Variants in TRIM44 observed in about 807,000 individuals in gnomAD.
The protein encoded by TRIM44 is tripartite motif containing 44.
In TRIM44, 13 loss-of-function variants were observed where a neutral mutation model predicts 37.4. The ratio of observed to expected loss-of-function variants is 0.35; its 90% CI spans 0.23 to 0.55. TRIM44 has a LOEUF of 0.55. TRIM44 is among the 20% of genes least tolerant of loss of function. The pLI is 0.89. For missense variants in TRIM44, 426 were observed against 437.2 expected, an observed-to-expected ratio of 0.97 and a Z score of 0.23; for synonymous variants, 175 against 157.2, an observed-to-expected ratio of 1.11 and a Z score of -0.85.
At chr11:35,792,156 T>C (rs1242965489) in intron 4 of TRIM44, among the ~76,000 whole-genome samples, 5 of 151,286 alleles carry the variant, frequency 3.3e-5, no homozygotes, top group Non-Finnish European at 5.9e-5. Context: ...TTTATTTTCT[T>C]CATATCCACT....
chr11:35,784,982 A>C (rs1226944600), intron 4 of TRIM44, among the ~76,000 whole-genome samples: 1 of 152,230 alleles, frequency 6.6e-6, no homozygotes, highest in East Asian at 1.9e-4. Context: ...TCTATCTAGA[A>C]ATAGAGCCTA....
chr11:35,665,102 G>A (rs1025413538), intron 1 of TRIM44, among the ~76,000 whole-genome samples: 1 of 151,934 alleles, frequency 6.6e-6, no homozygotes, highest in African/African-American at 2.4e-5. Flanking sequence ...TTATGAATAT[G>A]CCACAAGTTA....
In TRIM44 at chr11:35,761,403, C is replaced by CTATA. The variant is rs202088061; in HGVS notation, c.1007+25959_1007+25960insATAT. ...TGTATTGTTTGCTCTCTCTCTCTCT[C>CTATA]TCTATATATATATGTGATACTTTGC... On this transcript the variant is annotated intron_variant, in intron 4 of 4. Coordinates refer to ENST00000299413, the MANE Select transcript of TRIM44 (RefSeq NM_017583.6). Among the ~76,000 whole-genome samples the CTATA allele has an allele frequency of 8.0e-3, 776 of 97,414 alleles. 7 individuals are homozygous for CTATA. Among genetic ancestry groups the CTATA allele is most frequent in the Middle Eastern group, 0.031 (6 of 192 alleles). 63.9% of individuals were successfully genotyped at this position (97,414 alleles called of 152,430 possible).
intron 4 of TRIM44, among the ~76,000 whole-genome samples, chr11:35,774,644 A>G (rs890364546): frequency 6.6e-6 from 1 of 152,142 alleles, no homozygotes; most frequent in African/African-American, 2.4e-5. Context: ...TAATTTTTGT[A>G]TAAGGTGTAA....
intron 4 of TRIM44, among the ~76,000 whole-genome samples, chr11:35,774,257 G>C (rs1181545849): frequency 6.6e-6 from 1 of 152,164 alleles, no homozygotes; most frequent in African/African-American, 2.4e-5. Flanking sequence ...TCTGTTGGCT[G>C]CATAAATGTC....
chr11:35,794,397 G>C (rs893702283), intron 4 of TRIM44, among the ~76,000 whole-genome samples: 1 of 152,254 alleles, frequency 6.6e-6, no homozygotes, highest in Non-Finnish European at 1.5e-5. Flanking sequence ...AGAGAAGCCA[G>C]ATGAGAACAT....
intron 1 of TRIM44, among the ~76,000 whole-genome samples, chr11:35,677,128 A>G (rs919548067): frequency 6.6e-6 from 1 of 152,198 alleles, no homozygotes. Flanking sequence ...AGGAAACTCA[A>G]AAGAGGTTAA....
At chr11:35,796,035 A>G (rs940487105) in intron 4 of TRIM44, among the ~76,000 whole-genome samples, 1 of 152,178 alleles carries the variant, frequency 6.6e-6, no homozygotes, top group Non-Finnish European at 1.5e-5. Context: ...TCACACAGCT[A>G]GTAAGTGGCA....
At chr11:35,803,656 G>A (rs1288016567) in intron 4 of TRIM44, among the ~76,000 whole-genome samples, 1 of 152,200 alleles carries the variant, frequency 6.6e-6, no homozygotes, top group East Asian at 1.9e-4. Context: ...GGGAGGCGGA[G>A]ATTACAGTGA....
chr11:35,749,899 C>T (rs1852540158), intron 4 of TRIM44, among the ~76,000 whole-genome samples: 1 of 152,198 alleles, frequency 6.6e-6, no homozygotes, highest in Non-Finnish European at 1.5e-5. Context: ...AAGAAGATCT[C>T]ATTAATGTGC....
chr11:35,762,073 C>G (rs1590579241), intron 4 of TRIM44, among the ~76,000 whole-genome samples: 3 of 152,234 alleles, frequency 2.0e-5, no homozygotes, highest in South Asian at 4.1e-4. Context: ...GGCTTGTGTA[C>G]CTTGTACATG....
At chr11:35,752,868 G>A (rs571230023) in intron 4 of TRIM44, among the ~76,000 whole-genome samples, 1 of 152,158 alleles carries the variant, frequency 6.6e-6, no homozygotes, top group South Asian at 2.1e-4. Context: ...CTGTGTTTTG[G>A]TTTTCTGCAT....
At chr11:35,700,961 A>G (rs944157224) in intron 2 of TRIM44, among the ~76,000 whole-genome samples, 1 of 152,208 alleles carries the variant, frequency 6.6e-6, no homozygotes, top group Admixed American at 6.5e-5. Context: ...CACACGATAC[A>G]TGTATAACTA....
chr11:35,701,357 C>T (rs577160760), intron 2 of TRIM44, among the ~76,000 whole-genome samples: 1 of 151,630 alleles, frequency 6.6e-6, no homozygotes, highest in Admixed American at 6.6e-5. Flanking sequence ...ATTAAGCTGA[C>T]GTTTAACTAT....
intron 1 of TRIM44, among the ~76,000 whole-genome samples, chr11:35,674,281 T>G (rs1851435840): frequency 6.6e-6 from 1 of 152,140 alleles, no homozygotes; most frequent in African/African-American, 2.4e-5. Flanking sequence ...TTTGCGTGTA[T>G]GTATATATCG....
chr11:35,784,514 A>G (rs538617430), intron 4 of TRIM44, among the ~76,000 whole-genome samples: 17 of 152,326 alleles, frequency 1.1e-4, no homozygotes, highest in African/African-American at 4.1e-4. Context: ...AAAATTGTCT[A>G]CTTCTTTTAG....
At chr11:35,789,444 C>T (rs1160096620) in intron 4 of TRIM44, among the ~76,000 whole-genome samples, 1 of 152,078 alleles carries the variant, frequency 6.6e-6, no homozygotes, top group Non-Finnish European at 1.5e-5. Flanking sequence ...AATAGTTTAC[C>T]ATGTGCTATA....
At chr11:35,791,980 G>A (rs555168732) in intron 4 of TRIM44, among the ~76,000 whole-genome samples, 1 of 151,854 alleles carries the variant, frequency 6.6e-6, no homozygotes, top group Admixed American at 6.6e-5. Context: ...TAGGCAGCAG[G>A]CTGAACACAT....
At chr11:35,673,817 C>T (rs1201686677) in intron 1 of TRIM44, among the ~76,000 whole-genome samples, 1 of 152,028 alleles carries the variant, frequency 6.6e-6, no homozygotes, top group East Asian at 1.9e-4. Flanking sequence ...CCTCTGTCAC[C>T]ATTGTCTTGA....
Sources: allele counts gnomAD v4.1 joint callset (sites outside exome capture counted in the v4.1 genomes callset), GRCh38; gene constraint gnomAD v4.1.1; transcripts MANE v1.5; gene names NCBI Gene and HGNC (gene_info 2026-07-23, HGNC 2026-07-21).